Variants in HDAC4 observed in about 807,000 individuals in gnomAD.
HDAC4 encodes histone deacetylase 4, also known as histone deacetylase A.
A neutral mutation model predicts 135.1 loss-of-function variants in HDAC4; 16 were observed. That is an observed-to-expected ratio of 0.12 (90% CI 0.08 to 0.18). The LOEUF (loss-of-function observed/expected upper bound fraction) is 0.18, where lower values mean the gene tolerates loss of function less well. Ranked by LOEUF, HDAC4 falls within the 10% of genes least tolerant of loss-of-function variation. The pLI, the probability that HDAC4 is intolerant of heterozygous loss-of-function variation, is 1.00. For missense variants in HDAC4, 1,143 were observed against 1,511.8 expected (o/e 0.76, Z 4.05); for synonymous variants, 685 against 653.4 (o/e 1.05, Z -0.74).
At position 239,259,515 on chromosome 2, in the gene HDAC4, T is replaced by C. The variant is rs567562045; in HGVS notation, c.23-22851A>G. Among the ~76,000 whole-genome samples, 8 of 152,158 alleles carry C rather than the reference T, an allele frequency of 5.3e-5. No homozygotes were observed. The East Asian group carries it at 1.4e-3, about 26-fold the overall frequency. The stretch of plus-strand genomic sequence containing the variant: ...AAATTACCTATATGCCAAAGGGAAA[T>C]TGGGTAATAAAAATAGCACACATTA... On this transcript the variant is annotated intron_variant, in intron 2 of 26. Coordinates refer to ENST00000543185, the MANE Select transcript of HDAC4 (RefSeq NM_001378414.1).
chr2:239,206,276 T>C (rs1461352775), intron 3 of HDAC4, among the ~76,000 whole-genome samples: 3 of 152,038 alleles, frequency 2.0e-5, no homozygotes, highest in Non-Finnish European at 4.4e-5. Context: ...TGCAGTGAGC[T>C]GAGATTGCAC....
At chr2:239,228,615 C>T (rs546438135) in intron 3 of HDAC4, among the ~76,000 whole-genome samples, 19 of 152,086 alleles carry the variant, frequency 1.2e-4, no homozygotes, top group South Asian at 2.1e-4. Context: ...AAAAACAGAA[C>T]GATCTGAAGG....
intron 12 of HDAC4, among the ~76,000 whole-genome samples, chr2:239,116,967 G>A (rs1404821048): frequency 6.6e-6 from 1 of 152,236 alleles, no homozygotes; most frequent in East Asian, 1.9e-4. Context: ...TTCTGTGGTT[G>A]CCATTCATGT....
chr2:239,111,412 G>T, intron 14 of HDAC4, 114 bp downstream of exon 14: 2 of 1,082,558 alleles, frequency 1.8e-6, no homozygotes, highest in Non-Finnish European at 1.4e-6. Flanking sequence ...CGTGGCCCTC[G>T]TGCCTGCCCA....
intron 22 of HDAC4, among the ~76,000 whole-genome samples, chr2:239,069,456 A>G (rs533205311): frequency 3.0e-4 from 34 of 113,308 alleles, no homozygotes; most frequent in Admixed American, 1.2e-3. Context: ...AGTGAGAGTG[A>G]GTCACGGTGC....
At chr2:239,369,811 C>A (rs1400401480) in intron 1 of HDAC4, among the ~76,000 whole-genome samples, 1 of 152,126 alleles carries the variant, frequency 6.6e-6, no homozygotes, top group Non-Finnish European at 1.5e-5. Flanking sequence ...TCATAGAAAA[C>A]AACGGAAATG....
intron 24 of HDAC4, among the ~76,000 whole-genome samples, chr2:239,056,375 G>A (rs2031847197): frequency 6.6e-6 from 1 of 152,216 alleles, no homozygotes; most frequent in Non-Finnish European, 1.5e-5. Flanking sequence ...AGACACGAGA[G>A]CCTGGAGCAC....
chr2:239,332,268 A>T (rs1691636618), intron 2 of HDAC4, among the ~76,000 whole-genome samples: 1 of 152,242 alleles, frequency 6.6e-6, no homozygotes, highest in African/African-American at 2.4e-5. Flanking sequence ...GGACATGTAG[A>T]ACTGGCAAAT....
At position 239,197,882 on chromosome 2, in the gene HDAC4, T is replaced by C. The variant is rs77349508; in HGVS notation, c.95-7805A>G. ...GTGTGTGTGTGTGTGTGTGTGTGTG[T>C]GCTGAGTGTCACCCAGGCTGGACTG... On this transcript the variant is annotated intron_variant, in intron 3 of 26. Transcript: ENST00000543185. Among the ~76,000 whole-genome samples, 47 of 150,416 alleles carry C rather than the reference T, an allele frequency of 3.1e-4. 1 individual carries two copies. The East Asian group carries it at 5.9e-3, about 19-fold the overall frequency.
At chr2:239,113,259 C>T (rs1289083820) in intron 13 of HDAC4, among the ~76,000 whole-genome samples, 1 of 151,388 alleles carries the variant, frequency 6.6e-6, no homozygotes, top group Non-Finnish European at 1.5e-5. Context: ...CACACACACA[C>T]ACACAAAAGG....
At chr2:239,055,849 G>C (rs2031754332) in intron 24 of HDAC4, among the ~76,000 whole-genome samples, 1 of 152,220 alleles carries the variant, frequency 6.6e-6, no homozygotes, top group South Asian at 2.1e-4. Context: ...CTGGACCTGA[G>C]TCAGAAGGCC....
rs186240278 is a variant in HDAC4, at chr2:239,317,260, G to A, written c.22+35418C>T. ...CAAATGTGAAAGGAGAAGGCCAGCC[G>A]GTGGCCTTTGTGAGGCTGGGCTGGA... On this transcript the variant is annotated intron_variant, in intron 2 of 26. Coordinates refer to ENST00000543185, the MANE Select transcript of HDAC4 (RefSeq NM_001378414.1). Among the ~76,000 whole-genome samples, 35 of 152,156 alleles carry A rather than the reference G, an allele frequency of 2.3e-4. No individual in the cohort carries two copies. In the East Asian group the frequency reaches 5.4e-3, roughly 24 times the overall value.
intron 3 of HDAC4, among the ~76,000 whole-genome samples, chr2:239,190,425 G>A (rs1185381512): frequency 6.6e-6 from 1 of 152,226 alleles, no homozygotes; most frequent in African/African-American, 2.4e-5. Flanking sequence ...GTCATTTCTA[G>A]AGGCCAATAA....
chr2:239,105,301 G>A (rs558169835), intron 15 of HDAC4, among the ~76,000 whole-genome samples: 10 of 152,206 alleles, frequency 6.6e-5, no homozygotes, highest in Non-Finnish European at 1.2e-4. Flanking sequence ...CCTGGACACC[G>A]TGCCTGGAGG....
At chr2:239,273,756 GC>G (rs2050190922) in intron 2 of HDAC4, among the ~76,000 whole-genome samples, 1 of 152,204 alleles carries the variant, frequency 6.6e-6, no homozygotes, top group South Asian at 2.1e-4. Flanking sequence ...AACAGGACAA[GC>G]CAAGCTCCCC....
chr2:239,357,585 T>C (rs529340476), intron 1 of HDAC4, among the ~76,000 whole-genome samples: 104 of 151,584 alleles, frequency 6.9e-4, no homozygotes, highest in South Asian at 1.2e-3. Context: ...ATTAACAATA[T>C]CGAGAATGAG....
chr2:239,102,755 G>T, intron 16 of HDAC4, 21 bp downstream of exon 16: 1 of 1,613,610 alleles, frequency 6.2e-7, no homozygotes. Flanking sequence ...AATATGGGAG[G>T]AAAGGAAGGT....
Position 239,246,772 on chromosome 2 carries a change from C to T in HDAC4, c.23-10108G>A, listed in dbSNP as rs927616745. On this transcript the variant is annotated intron_variant, in intron 2 of 26. Coordinates refer to ENST00000543185, the MANE Select transcript of HDAC4 (RefSeq NM_001378414.1). ...ACCAAGTGGCACAGGCCAGCTGAAG[C>T]GTTCATAAGTGATTTAGCAAATCAG... Among the ~76,000 whole-genome samples the T allele has an allele frequency of 4.6e-5, 7 of 152,352 alleles. No individual in the cohort carries two copies. The East Asian group carries it at 9.7e-4, about 21-fold the overall frequency.
At chr2:239,387,088 G>C (rs1001188095) in intron 1 of HDAC4, among the ~76,000 whole-genome samples, 5 of 152,236 alleles carry the variant, frequency 3.3e-5, no homozygotes, top group Non-Finnish European at 5.9e-5. Context: ...ACGAGTGTGT[G>C]GGTGGGAATG....
Sources: allele counts gnomAD v4.1 joint callset (sites outside exome capture counted in the v4.1 genomes callset), GRCh38; gene constraint gnomAD v4.1.1; transcripts MANE v1.5; gene names NCBI Gene and HGNC (gene_info 2026-07-23, HGNC 2026-07-21).